BCKDHA: variants seen among roughly 807,000 people sequenced by gnomAD.
BCKDHA encodes branched chain keto acid dehydrogenase E1 subunit alpha.
In BCKDHA, 43 loss-of-function variants were observed where a neutral mutation model predicts 52.2. The ratio of observed to expected loss-of-function variants is 0.82; its 90% CI spans 0.64 to 1.06. The LOEUF is 1.06. BCKDHA is among the 50% of genes least tolerant of loss of function. BCKDHA has a pLI of 0.00. For missense variants in BCKDHA, 527 were observed against 621.3 expected, an observed-to-expected ratio of 0.85 and a Z score of 1.61; for synonymous variants, 234 against 247.9, an observed-to-expected ratio of 0.94 and a Z score of 0.53.
At chr19:41,416,367 G>A (rs1465281176) in intron 4 of BCKDHA, among the ~76,000 whole-genome samples, 2 of 152,168 alleles carry the variant, frequency 1.3e-5, no homozygotes, top group Non-Finnish European at 2.9e-5. Context: ...CCTCATTGAG[G>A]CACCTCCCCC....
rs564683416 is a variant in BCKDHA, at chr19:41,409,400, T to C, written c.109-1237T>C. 3.9e-5 allele frequency among the ~76,000 whole-genome samples: 6 copies of C among 152,254 alleles called. No homozygotes were observed. The East Asian group carries it at 1.2e-3, about 29-fold the overall frequency. ...CTTGTTTAGTGTCTGCCCTCCCTGC[T>C]AGGCAGCAAGGACAGATATCTTGCC... On this transcript the variant is annotated intron_variant, in intron 1 of 8. Coordinates refer to ENST00000269980, the MANE Select transcript of BCKDHA (RefSeq NM_000709.4).
chr19:41,400,400 CA>C (rs2039125544), intron 1 of BCKDHA: 1 of 152,040 alleles, frequency 6.6e-6, no homozygotes, highest in African/African-American at 2.4e-5. Context: ...CCACCATACC[CA>C]GTTAATTTTT....
At chr19:41,400,943 C>T (rs896093483) in intron 1 of BCKDHA, among the ~76,000 whole-genome samples, 11 of 151,366 alleles carry the variant, frequency 7.3e-5, no homozygotes, top group Non-Finnish European at 2.9e-5. Flanking sequence ...ACCTGGGAGG[C>T]GGAGATTGCA....
chr19:41,412,652 A>G (rs191208637), intron 3 of BCKDHA, among the ~76,000 whole-genome samples: 138 of 151,466 alleles, frequency 9.1e-4, no homozygotes, highest in African/African-American at 3.2e-3. Context: ...TGGTAGGATT[A>G]TAGGTGTGAG....
At chr19:41,398,491 A>G (rs3810175) in intron 1 of BCKDHA, among the ~76,000 whole-genome samples, 99,389 of 152,098 alleles carry the variant, frequency 0.65, 33,557 homozygotes, top group African/African-American at 0.82. Context: ...ATCAAGACAG[A>G]GAATTCGTGT....
chr19:41,424,683 C>A lies in BCKDHA; in HGVS notation c.*75C>A. ...CCCACTCTAAGGGGAGCAGGGGGAC[C>A]TGACAGCACACCACTGTCTTCCCCA... On this transcript the variant is annotated 3_prime_UTR_variant, in exon 9 of 9. Transcript: ENST00000269980. 2 of 1,474,864 alleles carry A rather than the reference C, an allele frequency of 1.4e-6. No homozygotes were observed. The highest frequency in any genetic ancestry group is 2.8e-5 in the African/African-American group (2 of 71,138). 91.4% of individuals were successfully genotyped at this position (1,474,864 alleles called of 1,614,324 possible). A position where few individuals can be genotyped will look rare whatever the true frequency, so the allele number is the denominator to read the frequency against.
intron 4 of BCKDHA, among the ~76,000 whole-genome samples, chr19:41,418,152 T>C (rs568828742): frequency 4.0e-5 from 6 of 151,674 alleles, no homozygotes; most frequent in African/African-American, 1.5e-4. Context: ...TCCATTAAAT[T>C]TGTATCTAAA....
At chr19:41,409,354 T>TA (rs1656091609) in intron 1 of BCKDHA, among the ~76,000 whole-genome samples, 1 of 152,160 alleles carries the variant, frequency 6.6e-6, no homozygotes, top group Non-Finnish European at 1.5e-5. Flanking sequence ...TATAGGATAA[T>TA]ATGAACCACC....
chr19:41,412,514 G>C (rs1052720140), intron 3 of BCKDHA, among the ~76,000 whole-genome samples: 2 of 150,834 alleles, frequency 1.3e-5, no homozygotes, highest in Non-Finnish European at 3.0e-5. Flanking sequence ...GAGTAGCTGG[G>C]ATTACAGGCA....
intron 4 of BCKDHA, 63 bp downstream of exon 4, chr19:41,414,220 G>C (rs2039286238): frequency 3.4e-6 from 5 of 1,491,270 alleles, no homozygotes. Flanking sequence ...GTTTTTCTGA[G>C]TGTTCTTCCA....
chr19:41,411,087 C>A, intron 3 of BCKDHA, 78 bp downstream of exon 3: 1 of 1,479,726 alleles, frequency 6.8e-7, no homozygotes, highest in Non-Finnish European at 9.4e-7. Context: ...AAAGGAATGG[C>A]TCCCAAGGAG....
At chr19:41,424,372 C>CT (rs2039404029) in intron 8 of BCKDHA, 66 bp from the exon 9 acceptor site, 1 of 1,585,832 alleles carries the variant, frequency 6.3e-7, no homozygotes. Flanking sequence ...GCCAAGGCCC[C>CT]GCAGGAGGAA....
chr19:41,411,415 G>T (rs1261043043), intron 3 of BCKDHA, among the ~76,000 whole-genome samples: 1 of 152,134 alleles, frequency 6.6e-6, no homozygotes, highest in East Asian at 1.9e-4. Flanking sequence ...TCAGGGACAA[G>T]GATCCAGTCA....
At chr19:41,421,634 T>G (rs1168465419) in intron 5 of BCKDHA, among the ~76,000 whole-genome samples, 2 of 79,012 alleles carry the variant, frequency 2.5e-5, no homozygotes, top group Admixed American at 1.0e-4. Flanking sequence ...GTGCAGATGG[T>G]GCAGGTTGGG....
chr19:41,411,801 CAG>C (rs968079056), intron 3 of BCKDHA, among the ~76,000 whole-genome samples: 10 of 152,212 alleles, frequency 6.6e-5, no homozygotes, highest in African/African-American at 2.4e-4. Flanking sequence ...TCCTGATCCT[CAG>C]GGGGCTGGTT....
Position 41,414,039 on chromosome 19 carries a change from A to G in BCKDHA, c.376-10A>G, listed in dbSNP as rs3213861. ...CAATTGTGGGACCCCGGTCCCCTCT[A>G]CACCCCCAGGGCCGGATCTCCTTCT... is the stretch of plus-strand genomic sequence containing the variant. On this transcript the variant is annotated splice_polypyrimidine_tract_variant and intron_variant, in intron 3 of 8. Transcript: ENST00000269980. 6.2e-7 allele frequency: 1 copy of G among 1,611,458 alleles called. No individual in the cohort carries two copies. The highest frequency in any genetic ancestry group is 8.5e-7 in the Non-Finnish European group (1 of 1,178,430).
At chr19:41,424,336 C>A in intron 8 of BCKDHA, 102 bp from the exon 9 acceptor site, 1 of 1,325,750 alleles carries the variant, frequency 7.5e-7, no homozygotes, top group Non-Finnish European at 1.1e-6. Context: ...GGTGGGAACA[C>A]AAAGGCTTGG....
Position 41,421,163 on chromosome 19 carries a change from G to A in BCKDHA, c.647-1001G>A, listed in dbSNP as rs116221568. ...AATAGGGTTTCCACAAGGCTGGGGC[G>A]TGGCCCTAACCTTCCCTCTGGGTCC... On this transcript the variant is annotated intron_variant, in intron 5 of 8. Coordinates refer to ENST00000269980, the MANE Select transcript of BCKDHA (RefSeq NM_000709.4). 5.3e-3 allele frequency among the ~76,000 whole-genome samples: 814 copies of A among 152,318 alleles called. 11 individuals carry two copies. Among genetic ancestry groups the A allele is most frequent in the African/African-American group, 0.018 (764 of 41,558 alleles).
chr19:41,415,194 A>G (rs548971070), intron 4 of BCKDHA, among the ~76,000 whole-genome samples: 5 of 152,362 alleles, frequency 3.3e-5, no homozygotes, highest in South Asian at 4.1e-4. Flanking sequence ...TAGGAGGGCA[A>G]ACGCCCTGTG....
Sources: allele counts gnomAD v4.1 joint callset (sites outside exome capture counted in the v4.1 genomes callset), GRCh38; gene constraint gnomAD v4.1.1; transcripts MANE v1.5; gene names NCBI Gene and HGNC (gene_info 2026-07-23, HGNC 2026-07-21).